ITK: variants seen among roughly 807,000 people sequenced by gnomAD.
ITK encodes the protein tyrosine-protein kinase ITK/TSK.
In ITK, 45 loss-of-function variants were observed where a neutral mutation model predicts 87.6. That is an observed-to-expected ratio of 0.51 (90% confidence interval 0.40 to 0.66). The LOEUF is 0.66. Among genes scored for constraint, ITK ranks in the 30% least tolerant of loss-of-function variants. ITK has a pLI of 0.00. For missense variants in ITK, 605 were observed against 766.3 expected, an observed-to-expected ratio of 0.79 and a Z score of 2.48; for synonymous variants, 303 against 273.6, an observed-to-expected ratio of 1.11 and a Z score of -1.06.
chr5:157,185,219 T>G (rs1249001925), intron 1 of ITK, among the ~76,000 whole-genome samples: 1 of 151,972 alleles, frequency 6.6e-6, no homozygotes, highest in Non-Finnish European at 1.5e-5. Flanking sequence ...TATATAATGC[T>G]GTGCAATTCT....
At chr5:157,208,799 G>T in intron 1 of ITK, 90 bp from the exon 2 acceptor site, 1 of 902,846 alleles carries the variant, frequency 1.1e-6, no homozygotes, top group South Asian at 1.4e-5. Context: ...AAAGCCAATG[G>T]ATCTTATCTA....
Position 157,243,772 on chromosome 5 carries a change from A to G in ITK, c.1210A>G (p.Ile404Val), listed in dbSNP as rs1266552256. The G allele has an allele frequency of 1.9e-6, 3 of 1,614,010 alleles. No individual in the cohort carries two copies. Among genetic ancestry groups the G allele is most frequent in the Admixed American group, 1.7e-5 (1 of 59,994 alleles). Residue 404 changes from isoleucine (I) to valine (V), a missense_variant, in exon 12 of 17, where the codon ATA (isoleucine) becomes GTA (valine). Transcript: ENST00000422843. ...AGGGGCTATGTCAGAAGAGGACTTCATAGAGGAGGCTGAAGTAATGATGTG... is the reference window on the plus strand; with the variant it reads ...AGGGGCTATGTCAGAAGAGGACTTCGTAGAGGAGGCTGAAGTAATGATGTG... ...REGAMSEEDF[I>V]EEAEVMMKLS...
intron 1 of ITK, among the ~76,000 whole-genome samples, chr5:157,181,390 T>A (rs1334826498): frequency 6.6e-6 from 1 of 152,212 alleles, no homozygotes; most frequent in Non-Finnish European, 1.5e-5. Flanking sequence ...TTTTAAATTA[T>A]GAATAACATT....
At chr5:157,228,235 C>G in intron 6 of ITK, 61 bp from the exon 7 acceptor site, 1 of 998,420 alleles carries the variant, frequency 1.0e-6, no homozygotes, top group Non-Finnish European at 1.6e-6. Context: ...TGGATTAAAC[C>G]TATAAAATGA....
At chr5:157,187,537 C>T (rs1263091559) in intron 1 of ITK, among the ~76,000 whole-genome samples, 1 of 152,138 alleles carries the variant, frequency 6.6e-6, no homozygotes, top group East Asian at 1.9e-4. Context: ...AGGGAGATTA[C>T]TGGGTGTAGA....
At chr5:157,190,762 G>T (rs1221628729) in intron 1 of ITK, among the ~76,000 whole-genome samples, 1 of 152,048 alleles carries the variant, frequency 6.6e-6, no homozygotes, top group African/African-American at 2.4e-5. Flanking sequence ...CAGAGGGAAC[G>T]GCAAGTACAA....
intron 1 of ITK, among the ~76,000 whole-genome samples, chr5:157,183,318 T>G (rs188528259): frequency 1.2e-4 from 18 of 152,338 alleles, no homozygotes; most frequent in African/African-American, 3.8e-4. Flanking sequence ...CATTTTCATT[T>G]TTAAATTAAA....
rs1202690965 is a variant in ITK at position 157,241,693 on chromosome 5, G to T, written c.1033G>T (p.Ala345Ser). 6.2e-7 allele frequency: 1 copy of T among 1,613,892 alleles called. No individual in the cohort carries two copies. The highest frequency in any genetic ancestry group is 8.5e-7 in the Non-Finnish European group (1 of 1,179,844). ...TCCAGTTTGTTTTGGGAGGCAGAAA[G>T]CCCCAGTTACAGCAGGGCTGAGATA... ...RYPVCFGRQK[A>S]PVTAGLRYGK... Residue 345 changes from alanine to serine, a missense_variant, in exon 11 of 17, where the codon GCC (alanine) becomes TCC (serine). Coordinates refer to ENST00000422843, the MANE Select transcript of ITK (RefSeq NM_005546.4).
Position 157,232,393 on chromosome 5 carries a change from C to G in ITK, c.767C>G (p.Thr256Arg), listed in dbSNP as rs115751349. The change falls in exon 8 of 17, where the codon ACA becomes AGA. Residue 256 changes from threonine to arginine, a missense_variant and splice_region_variant. This residue lies in a region of ITK where 464 missense variants were observed against 578.0 expected (regional missense o/e 0.80). Transcript: ENST00000422843. ...RDKAEKLLLD[T>R]GKEGAFMVRD... ...AAAGCTGAAAAACTTCTTTTGGACA[C>G]AGTAAGTCTCCTTAACCTGTCTTTT... 6.3e-7 allele frequency: 1 copy of G among 1,596,974 alleles called. No individual in the cohort carries two copies.
intron 1 of ITK, among the ~76,000 whole-genome samples, chr5:157,188,486 G>C (rs1262748993): frequency 6.6e-6 from 1 of 152,102 alleles, no homozygotes; most frequent in East Asian, 1.9e-4. Context: ...TCTCAGCAGG[G>C]CCTTTGTACA....
intron 7 of ITK, among the ~76,000 whole-genome samples, chr5:157,229,869 G>A (rs1454494518): frequency 7.2e-5 from 11 of 152,154 alleles, no homozygotes; most frequent in Non-Finnish European, 1.0e-4. Flanking sequence ...AGCCAAGATT[G>A]CACCATTGAA....
chr5:157,183,170 G>A (rs911503492), intron 1 of ITK, among the ~76,000 whole-genome samples: 2 of 151,842 alleles, frequency 1.3e-5, no homozygotes, highest in Non-Finnish European at 2.9e-5. Flanking sequence ...ATTTATCCAA[G>A]TTCCCTGAAA....
At chr5:157,229,691 A>C (rs1443445012) in intron 7 of ITK, among the ~76,000 whole-genome samples, 1 of 152,228 alleles carries the variant, frequency 6.6e-6, no homozygotes, top group Admixed American at 6.5e-5. Context: ...AGGCAGGTGG[A>C]TCACCTGAGA....
chr5:157,223,334 A>C (rs912143864), intron 6 of ITK, among the ~76,000 whole-genome samples: 10 of 152,188 alleles, frequency 6.6e-5, no homozygotes. Context: ...TTTGTTCTGC[A>C]AAGTGCTATT....
Position 157,244,329 on chromosome 5 carries a change from G to C in ITK, c.1300G>C (p.Val434Leu). Residue 434 changes from valine to leucine, a missense_variant, in exon 13 of 17, where the codon GTG becomes CTG. By Grantham distance (32) the Val-to-Leu change is conservative. Coordinates refer to ENST00000422843, the MANE Select transcript of ITK (RefSeq NM_005546.4). ...CCTGGAGCAGGCCCCCATCTGCCTG[G>C]TGTTTGAGTTCATGGAGCACGGCTG... ...VCLEQAPICLVFEFMEHGCLS... is the reference protein window; with the variant it reads ...VCLEQAPICLLFEFMEHGCLS... The C allele has an allele frequency of 6.2e-7, 1 of 1,614,192 alleles. No individual in the cohort carries two copies. Among genetic ancestry groups the C allele is most frequent in the Non-Finnish European group, 8.5e-7 (1 of 1,180,038 alleles).
chr5:157,235,490 ATCTCAGCAGTT>A (rs1754759491), intron 8 of ITK, among the ~76,000 whole-genome samples: 2 of 152,176 alleles, frequency 1.3e-5, no homozygotes, highest in African/African-American at 4.8e-5. Flanking sequence ...TCTGCCTCCA[ATCTCAGCAGTT>A]TCTCTTCTGT....
chr5:157,180,900 T>A lies in ITK; in HGVS notation c.-78T>A. 6.8e-7 allele frequency: 1 copy of A among 1,464,178 alleles called. No homozygotes were observed. Among genetic ancestry groups the A allele is most frequent in the Admixed American group, 1.7e-5 (1 of 59,488 alleles). The allele number at this position is 1,464,178 out of a possible 1,614,324, so 90.7% of individuals were successfully genotyped here. ...GAAGATCAACTGCCTCCACATTGCA[T>A]TCTTTGCCCCAAAACTCTTTCCTTT... On this transcript the variant is annotated 5_prime_UTR_variant, in exon 1 of 17. Coordinates refer to ENST00000422843, the MANE Select transcript of ITK (RefSeq NM_005546.4).
intron 1 of ITK, among the ~76,000 whole-genome samples, chr5:157,183,147 T>A (rs1276338240): frequency 6.6e-6 from 1 of 152,046 alleles, no homozygotes; most frequent in Non-Finnish European, 1.5e-5. Context: ...TTATAGAAGT[T>A]TATTAATTAG....
chr5:157,204,221 C>T (rs1049678511), intron 1 of ITK, among the ~76,000 whole-genome samples: 7 of 152,150 alleles, frequency 4.6e-5, no homozygotes, highest in Non-Finnish European at 7.3e-5. Flanking sequence ...GCCCAGGCTG[C>T]TCTCGAATTC....
Sources: allele counts gnomAD v4.1 joint callset (sites outside exome capture counted in the v4.1 genomes callset), GRCh38; gene constraint gnomAD v4.1.1; regional missense constraint gnomAD v4.1.1; transcripts MANE v1.5; gene names NCBI Gene and HGNC (gene_info 2026-07-23, HGNC 2026-07-21).